The following PPM1J variants were observed in gnomAD, a reference collection of about 807,000 sequenced individuals.
PPM1J encodes the protein protein phosphatase 1J.
Under a neutral mutation model 53.3 loss-of-function variants are expected in PPM1J, and 43 were observed. That is an observed-to-expected ratio of 0.81 (90% confidence interval 0.63 to 1.04). The LOEUF is 1.04. Ranked by LOEUF, PPM1J falls within the 50% of genes least tolerant of loss-of-function variation. The pLI, the probability that PPM1J is intolerant of heterozygous loss-of-function variation, is 0.00. For missense variants in PPM1J, 635 were observed against 685.9 expected (o/e 0.93, Z 0.83); for synonymous variants, 267 against 286.4 (o/e 0.93, Z 0.68).
chr1:112,713,803 GC>G (rs1166760989), intron 1 of PPM1J, among the ~76,000 whole-genome samples, 192 bp from the exon 2 acceptor site: 2 of 152,060 alleles, frequency 1.3e-5, no homozygotes, highest in Non-Finnish European at 2.9e-5. Flanking sequence ...TGGGTGGCCA[GC>G]CCTACCACTT....
intron 2 of PPM1J, 35 bp from the exon 3 acceptor site, chr1:112,713,066 G>GTC: frequency 3.0e-6 from 2 of 671,860 alleles, no homozygotes; most frequent in Non-Finnish European, 4.1e-6. Context: ...AGTTTTGTTT[G>GTC]TGTGTGTGTG....
chr1:112,713,746 G>T (rs12724682), intron 1 of PPM1J, 135 bp from the exon 2 acceptor site: 4 of 756,620 alleles, frequency 5.3e-6, no homozygotes, highest in South Asian at 1.6e-5. Flanking sequence ...ATCCAGGCCA[G>T]AGGGAGGAGG....
Position 112,711,002 on chromosome 1 carries a change from G to A in PPM1J, c.1110+6C>T, listed in dbSNP as rs80202955. The A allele has an allele frequency of 3.9e-4, 635 of 1,613,374 alleles. 2 individuals are homozygous for A. In the African/African-American group the frequency reaches 7.9e-3, roughly 20 times the overall value. ...TCCCCTCTCCCACCTCTACCATGGA[G>A]TTTACCTTTTTGCCCTCCCCACAGA... On this transcript the variant is annotated splice_donor_region_variant and intron_variant, in intron 7 of 9. Transcript: ENST00000309276.
chr1:112,711,943 G>T (rs201821573), intron 5 of PPM1J, 28 bp downstream of exon 5: 1 of 1,530,356 alleles, frequency 6.5e-7, no homozygotes, highest in African/African-American at 1.4e-5. Context: ...GACAAAGAAT[G>T]GGGGTAGGGA....
chr1:112,711,082 G>A lies in PPM1J; in HGVS notation c.1047-11C>T, dbSNP rs1470920506. The A allele has an allele frequency of 1.9e-6, 3 of 1,613,370 alleles. No homozygotes were observed. The highest frequency in any genetic ancestry group is 2.2e-5 in the East Asian group (1 of 44,872). ...ATCTTTTTGTAGGCCCTGGGGAGGG[G>A]GGAGTAGAGGAGGCATCACCCAGGC... On this transcript the variant is annotated splice_polypyrimidine_tract_variant and intron_variant, in intron 6 of 9. Transcript: ENST00000309276.
chr1:112,711,889 G>A, intron 5 of PPM1J, 82 bp downstream of exon 5: 1 of 953,592 alleles, frequency 1.0e-6, no homozygotes, highest in South Asian at 1.6e-5. Context: ...TGGTGGGGGT[G>A]TGAGAGTTCT....
Position 112,712,983 on chromosome 1 carries a change from C to T in PPM1J, c.490G>A (p.Gly164Arg), listed in dbSNP as rs376369736. Residue 164 changes from glycine (G) to arginine (R), a missense_variant, in exon 3 of 10, where the codon GGA (glycine) becomes AGA (arginine). Physicochemically the swap from Gly to Arg is moderately radical, Grantham distance 125. Coordinates refer to ENST00000309276, the MANE Select transcript of PPM1J (RefSeq NM_005167.7). ...WGLFDGHAGG[G>R]AAEMASRLLH... ...AGCCGTGAGGCCATTTCAGCAGCTC[C>T]GCCCCCTGCATGCCCATCAAATAGG... The T allele has an allele frequency of 5.7e-5, 92 of 1,612,884 alleles. No individual in the cohort carries two copies. The highest frequency in any genetic ancestry group is 1.8e-4 in the Middle Eastern group (1 of 5,642).
In PPM1J at chr1:112,715,227, G is replaced by A. The variant is rs763302362; in HGVS notation, c.75C>T (p.Ser25=). The A allele has an allele frequency of 2.8e-4, 391 of 1,402,164 alleles. 1 individual carries two copies. Among genetic ancestry groups the A allele is most frequent in the Admixed American group, 8.8e-4 (24 of 27,234 alleles). The allele number at this position is 1,402,164 out of a possible 1,614,324, so 86.9% of individuals were successfully genotyped here. The change falls in exon 1 of 10, where the codon TCC becomes TCT. Residue 25 remains serine, a synonymous_variant. Transcript: ENST00000309276. The surrounding 1 kb of genome is among the most constrained non-coding windows in gnomAD (Gnocchi z 4.4). ...CCGAGGCGGCGTTGGGCAGGTCCGG[G>A]GATTTGGGGCGCGGAGGCGGAGCGC... ...SGGAPPPRPK[S]PDLPNAASAP...
At chr1:112,711,878 G>T in intron 5 of PPM1J, 93 bp downstream of exon 5, 2 of 845,962 alleles carry the variant, frequency 2.4e-6, no homozygotes, top group Non-Finnish European at 1.9e-6. Flanking sequence ...TTCTGTGCCT[G>T]TGGTGGGGGT....
intron 6 of PPM1J, 43 bp downstream of exon 6, chr1:112,711,223 G>A (rs573079212): frequency 7.9e-6 from 12 of 1,517,546 alleles, no homozygotes; most frequent in Non-Finnish European, 1.1e-5. Flanking sequence ...GGGACTGGTT[G>A]TGTTGCCATG....
chr1:112,712,662 T>C, intron 3 of PPM1J, 82 bp downstream of exon 3: 1 of 1,436,440 alleles, frequency 7.0e-7, no homozygotes, highest in Non-Finnish European at 9.5e-7. Context: ...TTGTGGGTTC[T>C]CAGGGTAACC....
rs974469975 is a variant in PPM1J, at chr1:112,712,050, A to G, written c.848T>C (p.Ile283Thr). Residue 283 changes from isoleucine (I) to threonine (T), a missense_variant, in exon 5 of 10, where the codon ATC becomes ACC. Transcript: ENST00000309276. ...AATGATTTCACCATTCCGGACAATG[A>G]TGGCCCTGCCCAAAGAAAGAAAAGG... Reference protein sequence around the residue: ...YVANAGDSRAIIVRNGEIIPM... With the variant: ...YVANAGDSRATIVRNGEIIPM... The G allele has an allele frequency of 1.9e-6, 3 of 1,608,392 alleles. No homozygotes were observed. In the South Asian group the frequency reaches 3.3e-5, roughly 18 times the overall value.
At position 112,712,402 on chromosome 1, in the gene PPM1J, G is replaced by A; in HGVS notation, c.785C>T (p.Ala262Val). The part of the protein sequence containing the change: ...RGHQVEGGCC[A>V]LVVIYLLGKV... Reference sequence around the variant, plus strand: ...GCCTAGCAGGTAGATCACAACCAGTGCACAGCAGCCCCCCTCCACTTGGTG... The same window carrying A: ...GCCTAGCAGGTAGATCACAACCAGTACACAGCAGCCCCCCTCCACTTGGTG... The change falls in exon 4 of 10, where the codon GCA becomes GTA. Residue 262 changes from alanine to valine, a missense_variant. Coordinates refer to ENST00000309276, the MANE Select transcript of PPM1J (RefSeq NM_005167.7). The A allele has an allele frequency of 1.2e-6, 2 of 1,613,970 alleles. No homozygotes were observed. The highest frequency in any genetic ancestry group is 1.7e-6 in the Non-Finnish European group (2 of 1,179,984).
At chr1:112,714,338 G>A (rs1570844037) in intron 1 of PPM1J, 5 of 985,430 alleles carry the variant, frequency 5.1e-6, no homozygotes, top group Non-Finnish European at 6.0e-6. Flanking sequence ...CAGCCCGGGG[G>A]CCAGCCGGCC....
At chr1:112,711,186 C>T in intron 6 of PPM1J, 80 bp downstream of exon 6, 1 of 1,465,296 alleles carries the variant, frequency 6.8e-7, no homozygotes, top group Admixed American at 1.7e-5. Context: ...AACTCCCAGC[C>T]TCCAGCTTCC....
rs373366116 is a variant in PPM1J, at chr1:112,713,506, G to A, written c.432C>T (p.Ser144=). The change falls in exon 2 of 10, where the codon AGC becomes AGT. Residue 144 remains serine, a synonymous_variant. Coordinates refer to ENST00000309276, the MANE Select transcript of PPM1J (RefSeq NM_005167.7). The stretch of plus-strand genomic sequence containing the variant: ...AGGGGATGGGTCTTACCTGGCCTCG[G>A]CTAGGCTCCCTAGGTACTCCTGTAA... ...RSVTGVPREP[S]RGQGLCFYYW... is the part of the protein sequence containing the mutation. 81 of 1,612,050 alleles carry A rather than the reference G, an allele frequency of 5.0e-5. No homozygotes were observed. The highest frequency in any genetic ancestry group is 5.2e-5 in the Non-Finnish European group (61 of 1,178,444).
At chr1:112,712,146 C>A in intron 4 of PPM1J, 91 bp from the exon 5 acceptor site, 1 of 1,136,022 alleles carries the variant, frequency 8.8e-7, no homozygotes, top group Admixed American at 2.3e-5. Context: ...TCCATAATGA[C>A]CTTTCAGATC....
chr1:112,711,206 C>G lies in PPM1J; in HGVS notation c.1046+60G>C, dbSNP rs532816010. ...CCAGCCTCCAGCTTCCACCTTGCTGCGGGCGAGGGACTGGTTGTGTTGCCA... is the reference window on the plus strand; with the variant it reads ...CCAGCCTCCAGCTTCCACCTTGCTGGGGGCGAGGGACTGGTTGTGTTGCCA... On this transcript the variant is annotated intron_variant, in intron 6 of 9. Coordinates refer to ENST00000309276, the MANE Select transcript of PPM1J (RefSeq NM_005167.7). 5 of 1,477,642 alleles carry G rather than the reference C, an allele frequency of 3.4e-6. No individual in the cohort carries two copies. In the East Asian group the frequency reaches 1.1e-4, roughly 33 times the overall value. 91.5% of individuals were successfully genotyped at this position (1,477,642 alleles called of 1,614,324 possible).
At position 112,715,250 on chromosome 1, in the gene PPM1J, C is replaced by G; in HGVS notation, c.52G>C (p.Ala18Pro). 1 of 1,373,448 alleles carries G rather than the reference C, an allele frequency of 7.3e-7. No homozygotes were observed. Among genetic ancestry groups the G allele is most frequent in the South Asian group, 1.7e-5 (1 of 58,920 alleles). The allele number at this position is 1,373,448 out of a possible 1,614,324, so 85.1% of individuals were successfully genotyped here. Residue 18 changes from alanine (A) to proline (P), a missense_variant, in exon 1 of 10, where the codon GCT becomes CCT. Physicochemically the swap from Ala to Pro is conservative, Grantham distance 27. Coordinates refer to ENST00000309276, the MANE Select transcript of PPM1J (RefSeq NM_005167.7). This position sits in a 1 kb window ranked among gnomAD's most constrained non-coding sequence, Gnocchi z 4.4. Reference sequence around the variant, plus strand: ...GGGGATTTGGGGCGCGGAGGCGGAGCGCCCCCGGAGCTCACCAGGTGCGCC... The same window carrying G: ...GGGGATTTGGGGCGCGGAGGCGGAGGGCCCCCGGAGCTCACCAGGTGCGCC... ...AVAHLVSSGG[A>P]PPPRPKSPDL...
Sources: allele counts gnomAD v4.1 joint callset (sites outside exome capture counted in the v4.1 genomes callset), GRCh38; gene constraint gnomAD v4.1.1; non-coding constraint Gnocchi (gnomAD v3.1); transcripts MANE v1.5; gene names NCBI Gene and HGNC (gene_info 2026-07-23, HGNC 2026-07-21).